Variants in BCCIP observed in about 807,000 individuals in gnomAD.
BCCIP encodes the protein BRCA2 and CDKN1A-interacting protein.
BCCIP carries 23 observed loss-of-function variants against 32.8 expected under a neutral mutation model. That is an observed-to-expected ratio of 0.70 (90% confidence interval 0.51 to 0.99). The LOEUF (loss-of-function observed/expected upper bound fraction) is 0.99, where lower values mean the gene tolerates loss of function less well. Ranked by LOEUF, BCCIP falls within the 50% of genes least tolerant of loss-of-function variation. The probability of loss-of-function intolerance (pLI) is 0.00; values close to 1 mark genes in which losing one functional copy is unlikely to be tolerated. For missense variants in BCCIP, 378 were observed against 379.8 expected, an observed-to-expected ratio of 1.00 and a Z score of 0.04; for synonymous variants, 144 against 137.6, an observed-to-expected ratio of 1.05 and a Z score of -0.33.
intron 5 of BCCIP, among the ~76,000 whole-genome samples, chr10:125,832,738 A>G (rs763661624): frequency 1.3e-5 from 2 of 151,108 alleles, no homozygotes; most frequent in Non-Finnish European, 2.9e-5. Context: ...AGGCTGCAAT[A>G]TACTATGATT....
chr10:125,844,030 G>A (rs1271144511), downstream of BCCIP, among the ~76,000 whole-genome samples: 4 of 152,322 alleles, frequency 2.6e-5, no homozygotes, highest in South Asian at 4.1e-4. Flanking sequence ...TCCTGCCTGG[G>A]TCCTGACATA....
chr10:125,823,834 A>G, intron 1 of BCCIP, 112 bp downstream of exon 1: 1 of 1,427,842 alleles, frequency 7.0e-7, no homozygotes, highest in Non-Finnish European at 9.5e-7. Context: ...GTCTGTGAGG[A>G]GAAACTGGAG....
intron 5 of BCCIP, 47 bp downstream of exon 5, chr10:125,831,654 A>G (rs772030242): frequency 6.6e-7 from 1 of 1,523,358 alleles, no homozygotes; most frequent in South Asian, 1.2e-5. Flanking sequence ...TTTTTTTTCA[A>G]ATAGATTCCT....
chr10:125,842,981 ATTAC>A (rs759285642), downstream of BCCIP, among the ~76,000 whole-genome samples: 2 of 152,082 alleles, frequency 1.3e-5, no homozygotes, highest in African/African-American at 2.4e-5. Flanking sequence ...GGTTTTTGCC[ATTAC>A]TTTCAATGGC....
chr10:125,826,377 C>A, intron 1 of BCCIP: 1 of 640,202 alleles, frequency 1.6e-6, no homozygotes, highest in South Asian at 2.2e-5. Flanking sequence ...TCCTTTGTGG[C>A]TGCCGTGTCT....
intron 2 of BCCIP, 61 bp downstream of exon 2, chr10:125,826,726 G>A: frequency 6.3e-7 from 1 of 1,594,074 alleles, no homozygotes; most frequent in African/African-American, 1.3e-5. Flanking sequence ...GGGGCCGGGT[G>A]CAGTGGTTCA....
chr10:125,848,506 T>G (rs1282187714), intron 7 of BCCIP, among the ~76,000 whole-genome samples: 1 of 152,188 alleles, frequency 6.6e-6, no homozygotes, highest in Non-Finnish European at 1.5e-5. Context: ...AGTGAGGTTT[T>G]GAACTTGGGC....
At chr10:125,845,118 C>T (rs2134033293), downstream of BCCIP, among the ~76,000 whole-genome samples, 1 of 152,328 alleles carries the variant, frequency 6.6e-6, no homozygotes, top group Non-Finnish European at 1.5e-5. Flanking sequence ...CCAAGCTGAG[C>T]ACAGGCCAAG....
In BCCIP at chr10:125,836,165, A is replaced by C; in HGVS notation, c.836A>C (p.Lys279Thr). ...GAGAGCGACACTTGTCTGGGAGGCA[A>C]ATGGTCTTTTGATGACGTACCAATG... ...QEESDTCLGG[K>T]WSFDDVPMTP... Residue 279 changes from lysine to threonine, a missense_variant, in exon 7 of 7, where the codon AAA becomes ACA. Coordinates refer to ENST00000278100, the MANE Select transcript of BCCIP (RefSeq NM_078468.3). The C allele has an allele frequency of 6.2e-7, 1 of 1,614,242 alleles. No individual in the cohort carries two copies. Among genetic ancestry groups the C allele is most frequent in the Non-Finnish European group, 8.5e-7 (1 of 1,180,050 alleles).
chr10:125,849,916 A>G (rs1944068448), intron 7 of BCCIP, among the ~76,000 whole-genome samples: 1 of 152,018 alleles, frequency 6.6e-6, no homozygotes, highest in Non-Finnish European at 1.5e-5. Context: ...TTGGTTTAGG[A>G]ATCCTCTGGT....
At position 125,836,282 on chromosome 10, in the gene BCCIP, C is replaced by G; in HGVS notation, c.*8C>G. The stretch of plus-strand genomic sequence containing the variant: ...GAATATCTATCTGTCTAACCCATTT[C>G]CAATGGACAGTGATGGGCTTGTTTT... On this transcript the variant is annotated 3_prime_UTR_variant, in exon 7 of 7. Transcript: ENST00000278100. The G allele has an allele frequency of 1.2e-6, 2 of 1,614,100 alleles. No individual in the cohort carries two copies. The highest frequency in any genetic ancestry group is 2.7e-5 in the African/African-American group (2 of 75,036).
downstream of BCCIP, among the ~76,000 whole-genome samples, chr10:125,844,330 A>G (rs764297613): frequency 2.0e-5 from 3 of 152,268 alleles, no homozygotes; most frequent in Non-Finnish European, 4.4e-5. Flanking sequence ...CTGCATTATA[A>G]GTTACAGGAT....
chr10:125,844,385 C>G (rs1046118871), downstream of BCCIP, among the ~76,000 whole-genome samples: 1 of 152,252 alleles, frequency 6.6e-6, no homozygotes, highest in African/African-American at 2.4e-5. Context: ...CAGCCAGGCT[C>G]TGTCCCCAAA....
downstream of BCCIP, chr10:125,838,137 A>G: frequency 6.9e-7 from 1 of 1,444,594 alleles, no homozygotes; most frequent in Non-Finnish European, 9.2e-7. Flanking sequence ...TAAAAGCCAA[A>G]TTTGTCATTT....
At chr10:125,826,892 C>G (rs893591010) in intron 2 of BCCIP, among the ~76,000 whole-genome samples, 1 of 151,156 alleles carries the variant, frequency 6.6e-6, no homozygotes, top group Non-Finnish European at 1.5e-5. Context: ...CCTAACTCCT[C>G]AGGAGGCTGA....
downstream of BCCIP, among the ~76,000 whole-genome samples, chr10:125,843,466 G>A (rs1172596577): frequency 6.6e-6 from 1 of 152,120 alleles, no homozygotes; most frequent in South Asian, 2.1e-4. Context: ...CAAAAAATTA[G>A]CCGGGCGTGG....
At chr10:125,841,653 T>C (rs1387089826) in exon 7 of BCCIP, 6 of 1,524,514 alleles carry the variant, frequency 3.9e-6, no homozygotes, top group Non-Finnish European at 5.2e-6. Context: ...TGCTCTGTGC[T>C]CCTCAAAATA....
Position 125,833,881 on chromosome 10 carries a change from A to G in BCCIP, c.709A>G (p.Lys237Glu). The G allele has an allele frequency of 1.2e-6, 2 of 1,614,282 alleles. No homozygotes were observed. The highest frequency in any genetic ancestry group is 1.7e-6 in the Non-Finnish European group (2 of 1,180,052). ...AGCAGGAAAAAACAATTCCAAAAAG[A>G]AACCTAGCAACAAAAAGAAAGCTGC... ...VEAGKNNSKK[K>E]PSNKKKAALM... Residue 237 changes from lysine (K) to glutamate (E), a missense_variant, in exon 6 of 7, where the codon AAA becomes GAA. Coordinates refer to ENST00000278100, the MANE Select transcript of BCCIP (RefSeq NM_078468.3).
chr10:125,827,699 C>A, intron 3 of BCCIP, 61 bp downstream of exon 3: 3 of 1,285,566 alleles, frequency 2.3e-6, no homozygotes, highest in Non-Finnish European at 3.4e-6. Flanking sequence ...TCATGCTGGG[C>A]CTCACCATGC....
Sources: allele counts gnomAD v4.1 joint callset (sites outside exome capture counted in the v4.1 genomes callset), GRCh38; gene constraint gnomAD v4.1.1; transcripts MANE v1.5; gene names NCBI Gene and HGNC (gene_info 2026-07-23, HGNC 2026-07-21).